The following ITPR1 variants were observed in gnomAD, a reference collection of about 807,000 sequenced individuals.
ITPR1 encodes the protein inositol 1,4,5-trisphosphate-gated calcium channel ITPR1.
In ITPR1, 96 loss-of-function variants were observed where a neutral mutation model predicts 318.4. The ratio of observed to expected loss-of-function variants is 0.30; its 90% CI spans 0.26 to 0.36. The LOEUF is 0.36. Ranked by LOEUF, ITPR1 falls within the 10% of genes least tolerant of loss-of-function variation. The pLI, the probability that ITPR1 is intolerant of heterozygous loss-of-function variation, is 1.00. For missense variants in ITPR1, 2,440 were observed against 3,460.2 expected, an observed-to-expected ratio of 0.71 and a Z score of 7.40; for synonymous variants, 1,312 against 1,289.9, an observed-to-expected ratio of 1.02 and a Z score of -0.37.
At chr3:4,612,746 G>A (rs563383996) in intron 4 of ITPR1, among the ~76,000 whole-genome samples, 1 of 152,220 alleles carries the variant, frequency 6.6e-6, no homozygotes, top group South Asian at 2.1e-4. Context: ...AATTAGCCAG[G>A]TGTGGTGGTG....
At position 4,493,455 on chromosome 3, in the gene ITPR1, A is replaced by C. The variant is rs1431760822; in HGVS notation, c.-243A>C. ...GGAGGAGGAGGCAGGGGGTGGAGAG[A>C]GAGAAAGCGCACGCCGAGAGGAGGT... On this transcript the variant is annotated 5_prime_UTR_variant, in exon 1 of 62. Transcript: ENST00000649015. 6.5e-6 allele frequency: 1 copy of C among 154,200 alleles called. No homozygotes were observed. The highest frequency in any genetic ancestry group is 1.5e-5 in the Non-Finnish European group (1 of 68,534). The allele number at this position is 154,200 out of a possible 1,614,324, so 9.6% of individuals were successfully genotyped here.
intron 4 of ITPR1, among the ~76,000 whole-genome samples, chr3:4,615,719 C>G (rs1343305806): frequency 6.6e-6 from 1 of 152,076 alleles, no homozygotes; most frequent in Non-Finnish European, 1.5e-5. Context: ...TAAGCTGATC[C>G]ACATACAGTA....
chr3:4,583,384 G>C (rs1353823683), intron 4 of ITPR1, among the ~76,000 whole-genome samples: 3 of 152,006 alleles, frequency 2.0e-5, no homozygotes, highest in Non-Finnish European at 4.4e-5. Context: ...ACCCGTTCCA[G>C]TTTGTGTTAT....
chr3:4,713,616 G>A (rs779488137), intron 39 of ITPR1, among the ~76,000 whole-genome samples: 90 of 152,288 alleles, frequency 5.9e-4, no homozygotes, highest in African/African-American at 2.0e-3. Context: ...AGGGGATGCC[G>A]CATGAGAAAT....
At chr3:4,704,507 C>G (rs2094718250) in intron 36 of ITPR1, among the ~76,000 whole-genome samples, 1 of 152,156 alleles carries the variant, frequency 6.6e-6, no homozygotes, top group South Asian at 2.1e-4. Context: ...AAGCAATACA[C>G]TTCTGCAGCA....
Position 4,504,359 on chromosome 3 carries a change from A to G in ITPR1, c.-17+9853A>G, listed in dbSNP as rs957461340. On this transcript the variant is annotated intron_variant, in intron 2 of 61. Coordinates refer to ENST00000649015, the MANE Select transcript of ITPR1 (RefSeq NM_001378452.1). The stretch of plus-strand genomic sequence containing the variant: ...ATTATACTAGAGAATCACTCCTCTG[A>G]ACTTCAGATTTACAGCTGCTGTTTC... Among the ~76,000 whole-genome samples the G allele has an allele frequency of 2.0e-5, 3 of 152,272 alleles. No homozygotes were observed. In the East Asian group the frequency reaches 5.8e-4, roughly 29 times the overall value.
chr3:4,719,775 T>C (rs1226029332), intron 40 of ITPR1, among the ~76,000 whole-genome samples: 1 of 149,630 alleles, frequency 6.7e-6, no homozygotes, highest in Non-Finnish European at 1.5e-5. Flanking sequence ...GCGCATGGTA[T>C]GGGGTCTTCC....
chr3:4,806,281 G>T lies in ITPR1; in HGVS notation c.7272+14G>T. On this transcript the variant is annotated intron_variant, in intron 55 of 61. Transcript: ENST00000649015. ...TACAGTCTGCTGGTGAGTACCTGGT[G>T]TGGAAATATTTTATGTGTGGGGAAA... 6.2e-7 allele frequency: 1 copy of T among 1,612,348 alleles called. No homozygotes were observed.
chr3:4,814,972 C>T (rs1198378383), intron 58 of ITPR1, 81 bp from the exon 59 acceptor site: 1 of 1,153,520 alleles, frequency 8.7e-7, no homozygotes, highest in African/African-American at 1.5e-5. Flanking sequence ...TAGATGAGGT[C>T]TCACTTGAGC....
intron 51 of ITPR1, among the ~76,000 whole-genome samples, chr3:4,785,616 C>G (rs905915231): frequency 1.3e-5 from 2 of 152,206 alleles, no homozygotes; most frequent in African/African-American, 2.4e-5. Context: ...AGGGCCAGCT[C>G]TGTCCTCTAG....
chr3:4,509,960 C>A (rs1386344226), intron 2 of ITPR1, among the ~76,000 whole-genome samples: 1 of 152,188 alleles, frequency 6.6e-6, no homozygotes, highest in Non-Finnish European at 1.5e-5. Context: ...AGCTTGCAGT[C>A]TAGTGGAGAA....
At chr3:4,557,437 T>A (rs951407889) in intron 4 of ITPR1, among the ~76,000 whole-genome samples, 3 of 152,148 alleles carry the variant, frequency 2.0e-5, no homozygotes, top group Non-Finnish European at 4.4e-5. Context: ...CAATTCAAGA[T>A]GAGATTTGGG....
In ITPR1 at chr3:4,632,026, T is replaced by A. The variant is rs1166493459; in HGVS notation, c.279+4148T>A. 3.3e-5 allele frequency among the ~76,000 whole-genome samples: 5 copies of A among 152,258 alleles called. No homozygotes were observed. In the East Asian group the frequency reaches 9.6e-4, roughly 29 times the overall value. On this transcript the variant is annotated intron_variant, in intron 5 of 61. Coordinates refer to ENST00000649015, the MANE Select transcript of ITPR1 (RefSeq NM_001378452.1). ...TATGGGATAAATGATGGTTCATCCT[T>A]GCATAGGATTGTAACATGCGTTCAC...
chr3:4,563,185 C>G (rs116225709), intron 4 of ITPR1, among the ~76,000 whole-genome samples: 3,302 of 152,194 alleles, frequency 0.022, 64 homozygotes, highest in Non-Finnish European at 0.037. Context: ...TGTCTTGGCC[C>G]ATGCACACCT....
intron 4 of ITPR1, among the ~76,000 whole-genome samples, chr3:4,613,526 G>C (rs572679053): frequency 2.6e-5 from 4 of 152,248 alleles, no homozygotes; most frequent in African/African-American, 9.6e-5. Flanking sequence ...AATGCTCATT[G>C]CCTGAGTTTC....
intron 33 of ITPR1, among the ~76,000 whole-genome samples, chr3:4,696,582 G>A (rs2094561143): frequency 6.6e-6 from 1 of 151,832 alleles, no homozygotes; most frequent in Middle Eastern, 3.4e-3. Flanking sequence ...CTTGTATACA[G>A]GATTTTGTAT....
intron 4 of ITPR1, among the ~76,000 whole-genome samples, chr3:4,593,303 G>C (rs1014103889): frequency 6.6e-6 from 1 of 152,124 alleles, no homozygotes; most frequent in African/African-American, 2.4e-5. Flanking sequence ...CCTTTGCTTA[G>C]TAACTGTTGT....
intron 46 of ITPR1, among the ~76,000 whole-genome samples, chr3:4,773,595 G>T (rs557439021): frequency 6.6e-6 from 1 of 152,146 alleles, no homozygotes. Flanking sequence ...AGACAGATGG[G>T]CCAGGAGAGC....
chr3:4,582,547 C>T (rs1296251348), intron 4 of ITPR1, among the ~76,000 whole-genome samples: 2 of 152,108 alleles, frequency 1.3e-5, no homozygotes, highest in African/African-American at 4.8e-5. Flanking sequence ...GTTATCAGCT[C>T]CACACTTCAA....
Sources: gnomAD v4.1 joint callset for allele counts (sites outside exome capture counted in the v4.1 genomes callset) on GRCh38, gnomAD v4.1.1 for gene constraint, MANE v1.5 for transcripts, NCBI Gene and HGNC (gene_info 2026-07-23, HGNC 2026-07-21) for gene names.